Variants in TAF5 observed in about 807,000 individuals in gnomAD.
The protein encoded by TAF5 is TATA-box binding protein associated factor 5.
Under a neutral mutation model 80.9 loss-of-function variants are expected in TAF5, and 20 were observed. That is an observed-to-expected ratio of 0.25 (90% CI 0.17 to 0.36). The LOEUF (loss-of-function observed/expected upper bound fraction) is 0.36, where lower values mean the gene tolerates loss of function less well. TAF5 is among the 10% of genes least tolerant of loss of function. The pLI is 1.00. For synonymous variants in TAF5, 388 were observed against 406.4 expected (o/e 0.95, Z 0.55); for missense variants, 863 against 1,029.4 (o/e 0.84, Z 2.21).
chr10:103,384,347 C>T (rs2093390653), intron 7 of TAF5, among the ~76,000 whole-genome samples: 1 of 152,090 alleles, frequency 6.6e-6, no homozygotes, highest in African/African-American at 2.4e-5. Context: ...TAATAGCTTT[C>T]AGGCCGGGCA....
At chr10:103,369,302 A>G (rs1389202539) in intron 1 of TAF5, among the ~76,000 whole-genome samples, 2 of 149,756 alleles carry the variant, frequency 1.3e-5, no homozygotes, top group African/African-American at 4.9e-5. Context: ...CCCTTGTAAC[A>G]GTCCTGCACA....
At chr10:103,368,914 G>A (rs4918008) in intron 1 of TAF5, among the ~76,000 whole-genome samples, 147,017 of 152,220 alleles carry the variant, frequency 0.97, 71,217 homozygotes, top group East Asian at 1. Flanking sequence ...TTTAAGTACT[G>A]TAAGTACTTT....
Position 103,383,266 on chromosome 10 carries a change from T to G in TAF5, c.1563T>G (p.Asp521Glu). 1 of 1,598,094 alleles carries G rather than the reference T, an allele frequency of 6.3e-7. No individual in the cohort carries two copies. Among genetic ancestry groups the G allele is most frequent in the Non-Finnish European group, 8.5e-7 (1 of 1,175,542 alleles). The change falls in exon 7 of 11, where the codon GAT becomes GAG. Residue 521 changes from aspartate (D) to glutamate (E), a missense_variant. Asp to Glu is a conservative substitution (Grantham distance 45, BLOSUM62 2). Transcript: ENST00000369839. The part of the protein sequence containing the change: ...SDLSLIDKES[D>E]DVLERIMDEK... ...TTAGTCTTATAGACAAAGAATCAGATGATGTCTTAGAAAGAATCATGGATG... is the reference window on the plus strand; with the variant it reads ...TTAGTCTTATAGACAAAGAATCAGAGGATGTCTTAGAAAGAATCATGGATG...
At chr10:103,371,686 C>T (rs1163486571) in intron 1 of TAF5, among the ~76,000 whole-genome samples, 3 of 152,106 alleles carry the variant, frequency 2.0e-5, no homozygotes, top group African/African-American at 2.4e-5. Context: ...TAAGTACTTA[C>T]ATTTTGTAAG....
intron 8 of TAF5, 94 bp downstream of exon 8, chr10:103,385,584 C>A: frequency 1.5e-6 from 2 of 1,360,244 alleles, no homozygotes; most frequent in South Asian, 1.3e-5. Flanking sequence ...ATTTACACTT[C>A]CATTATTGAG....
chr10:103,369,929 A>T (rs1009517148), intron 1 of TAF5, among the ~76,000 whole-genome samples: 5 of 151,526 alleles, frequency 3.3e-5, no homozygotes, highest in African/African-American at 9.7e-5. Context: ...TTAGTTTTTA[A>T]TTTTTTTTAC....
intron 1 of TAF5, among the ~76,000 whole-genome samples, chr10:103,368,759 G>C (rs924710320): frequency 6.6e-6 from 1 of 152,224 alleles, no homozygotes; most frequent in Non-Finnish European, 1.5e-5. Flanking sequence ...GAGGAGAGCT[G>C]TTGAGCAGAG....
Position 103,373,612 on chromosome 10 carries a change from A to T in TAF5, c.797+17A>T. On this transcript the variant is annotated intron_variant, in intron 2 of 10. Coordinates refer to ENST00000369839, the MANE Select transcript of TAF5 (RefSeq NM_006951.5). Reference sequence around the variant, plus strand: ...CTTTGAGAAGTATGTAAATTTTTACATATATATATATACACACATACGTAG... The same window carrying T: ...CTTTGAGAAGTATGTAAATTTTTACTTATATATATATACACACATACGTAG... The T allele has an allele frequency of 7.1e-7, 1 of 1,399,678 alleles. No individual in the cohort carries two copies. The highest frequency in any genetic ancestry group is 9.9e-7 in the Non-Finnish European group (1 of 1,007,440). The allele number at this position is 1,399,678 out of a possible 1,614,324, so 86.7% of individuals were successfully genotyped here.
intron 5 of TAF5, 39 bp from the exon 6 acceptor site, chr10:103,381,682 C>G: frequency 6.2e-7 from 1 of 1,609,592 alleles, no homozygotes; most frequent in Non-Finnish European, 8.5e-7. Flanking sequence ...TCTAAATATC[C>G]TAAAATAGTA....
intron 1 of TAF5, among the ~76,000 whole-genome samples, chr10:103,369,139 C>G (rs1003842928): frequency 6.6e-6 from 1 of 151,388 alleles, no homozygotes; most frequent in South Asian, 2.1e-4. Context: ...CTGCCACGGC[C>G]GGCTAATTTT....
chr10:103,384,901 T>C (rs2133636605), intron 7 of TAF5, among the ~76,000 whole-genome samples: 1 of 152,300 alleles, frequency 6.6e-6, no homozygotes, highest in Admixed American at 6.5e-5. Context: ...AATTCTTACA[T>C]AGCTTACACA....
intron 2 of TAF5, among the ~76,000 whole-genome samples, chr10:103,375,789 A>G (rs904117477): frequency 6.6e-5 from 10 of 152,002 alleles, no homozygotes; most frequent in Non-Finnish European, 1.2e-4. Context: ...TGGGTGTGGT[A>G]GCTCATGCCT....
At chr10:103,379,805 G>T in intron 4 of TAF5, 34 bp downstream of exon 4, 1 of 1,594,016 alleles carries the variant, frequency 6.3e-7, no homozygotes, top group Non-Finnish European at 8.5e-7. Flanking sequence ...TGTGTGTGGA[G>T]GTATAAGACA....
At chr10:103,381,607 C>T (rs2133633381) in intron 5 of TAF5, 114 bp from the exon 6 acceptor site, 2 of 1,212,610 alleles carry the variant, frequency 1.6e-6, no homozygotes, top group Non-Finnish European at 2.3e-6. Flanking sequence ...TTATATATTC[C>T]TTAAAATAGA....
chr10:103,386,447 CAA>C (rs1477040034), intron 8 of TAF5, among the ~76,000 whole-genome samples: 6 of 151,970 alleles, frequency 3.9e-5, no homozygotes. Flanking sequence ...CAAAACAAAA[CAA>C]CTATTTGGTG....
intron 1 of TAF5, among the ~76,000 whole-genome samples, chr10:103,368,925 A>G (rs2093352439): frequency 6.6e-6 from 1 of 151,480 alleles, no homozygotes; most frequent in Non-Finnish European, 1.5e-5. Flanking sequence ...TAAGTACTTT[A>G]TTTTCTCTTT....
intron 8 of TAF5, among the ~76,000 whole-genome samples, chr10:103,386,865 A>G (rs1002896202): frequency 2.6e-5 from 4 of 151,744 alleles, no homozygotes; most frequent in Non-Finnish European, 4.4e-5. Context: ...GTGTTTCACC[A>G]TGTTGGTCAG....
At chr10:103,386,081 C>T (rs1335551378) in intron 8 of TAF5, among the ~76,000 whole-genome samples, 1 of 151,920 alleles carries the variant, frequency 6.6e-6, no homozygotes, top group East Asian at 1.9e-4. Context: ...TCTTCCATAC[C>T]ACTGTGAGCA....
chr10:103,370,968 CGGT>C (rs1486162276), intron 1 of TAF5, among the ~76,000 whole-genome samples: 1 of 152,060 alleles, frequency 6.6e-6, no homozygotes, highest in Non-Finnish European at 1.5e-5. Context: ...AGGCCGGGCT[CGGT>C]GGCTCACGCC....
Sources: allele counts gnomAD v4.1 joint callset (sites outside exome capture counted in the v4.1 genomes callset), GRCh38; gene constraint gnomAD v4.1.1; transcripts MANE v1.5; gene names NCBI Gene and HGNC (gene_info 2026-07-23, HGNC 2026-07-21).